Variants in MIER3 observed in about 807,000 individuals in gnomAD.
MIER3 encodes MIER family member 3.
MIER3 carries 9 observed loss-of-function variants against 63.2 expected under a neutral mutation model. The ratio of observed to expected loss-of-function variants is 0.14; its 90% CI spans 0.09 to 0.25. MIER3 has a LOEUF of 0.25. MIER3 is among the 10% of genes least tolerant of loss of function. The pLI is 1.00. For missense variants in MIER3, 512 were observed against 666.2 expected, an observed-to-expected ratio of 0.77 and a Z score of 2.55; for synonymous variants, 205 against 224.9, an observed-to-expected ratio of 0.91 and a Z score of 0.79.
At chr5:56,941,969 G>GT (rs1466094406) in intron 3 of MIER3, among the ~76,000 whole-genome samples, 1 of 152,098 alleles carries the variant, frequency 6.6e-6, no homozygotes, top group Non-Finnish European at 1.5e-5. Context: ...CTAGATGGTG[G>GT]TAACTTCTGC....
chr5:56,927,104 AG>A (rs1750025082), intron 10 of MIER3, among the ~76,000 whole-genome samples: 1 of 149,946 alleles, frequency 6.7e-6, no homozygotes, highest in Non-Finnish European at 1.5e-5. Context: ...GAAGGGACAG[AG>A]GGAAGAATAA....
Position 56,947,019 on chromosome 5 carries a change from C to G in MIER3, c.87G>C (p.Leu29Phe). ...TTCTTTCATCATCATAGTCATGGAC[C>G]AACATCTCAGCAGTGGGGTCAAAAT... ...DHDFDPTAEMLVHDYDDERTL... is the reference protein window; with the variant it reads ...DHDFDPTAEMFVHDYDDERTL... Residue 29 changes from leucine (L) to phenylalanine (F), a missense_variant, in exon 3 of 13, where the codon TTG (leucine) becomes TTC (phenylalanine). By Grantham distance (22) the Leu-to-Phe change is conservative. This residue lies in a region of MIER3 where 98 missense variants were observed against 107.4 expected (regional missense o/e 0.91). Transcript: ENST00000381199. The G allele has an allele frequency of 6.2e-7, 1 of 1,610,356 alleles. No individual in the cohort carries two copies. Among genetic ancestry groups the G allele is most frequent in the South Asian group, 1.1e-5 (1 of 90,200 alleles).
intron 3 of MIER3, among the ~76,000 whole-genome samples, chr5:56,942,906 G>A (rs1750696837): frequency 6.6e-6 from 1 of 152,184 alleles, no homozygotes; most frequent in Non-Finnish European, 1.5e-5. Flanking sequence ...AGCACTTTGG[G>A]ACGCCAAGGT....
Position 56,920,015 on chromosome 5 carries a change from T to C in MIER3, c.*3113A>G, listed in dbSNP as rs1749594068. 1 of 152,644 alleles carries C rather than the reference T, an allele frequency of 6.6e-6. No homozygotes were observed. The highest frequency in any genetic ancestry group is 6.5e-5 in the Admixed American group (1 of 15,278). The allele number at this position is 152,644 out of a possible 1,614,324, so 9.5% of individuals were successfully genotyped here. A position where few individuals can be genotyped will look rare whatever the true frequency, so the allele number is the denominator to read the frequency against. ...ACAATCTCCTTGGTGGTCAGGTTTATTTGTTAGTTTACATTCAAAGTTGAA... is the reference window on the plus strand; with the variant it reads ...ACAATCTCCTTGGTGGTCAGGTTTACTTGTTAGTTTACATTCAAAGTTGAA... On this transcript the variant is annotated 3_prime_UTR_variant, in exon 13 of 13. Coordinates refer to ENST00000381199, the MANE Select transcript of MIER3 (RefSeq NM_001297599.2).
At chr5:56,947,950 G>A (rs1267445462) in intron 2 of MIER3, among the ~76,000 whole-genome samples, 2 of 152,078 alleles carry the variant, frequency 1.3e-5, no homozygotes, top group Non-Finnish European at 2.9e-5. Context: ...AAAAAAACAG[G>A]ATTTTCTCCA....
intron 3 of MIER3, among the ~76,000 whole-genome samples, chr5:56,939,913 T>A (rs566269422): frequency 6.6e-6 from 1 of 152,392 alleles, no homozygotes; most frequent in East Asian, 1.9e-4. Flanking sequence ...TAACTACTTT[T>A]GTCTAAGCAT....
At chr5:56,944,538 G>GA (rs996375321) in intron 3 of MIER3, among the ~76,000 whole-genome samples, 17 of 152,020 alleles carry the variant, frequency 1.1e-4, no homozygotes, top group African/African-American at 4.1e-4. Context: ...TCTGAGCCTA[G>GA]AAAAATAATG....
At chr5:56,941,100 C>T in intron 3 of MIER3, 2 of 985,414 alleles carry the variant, frequency 2.0e-6, no homozygotes, top group Non-Finnish European at 2.4e-6. Context: ...ATGAAATTTA[C>T]TGAAGAATCC....
rs528490385 is a variant in MIER3, at chr5:56,935,072, A to G, written c.595+356T>C. Among the ~76,000 whole-genome samples the G allele has an allele frequency of 3.9e-5, 6 of 152,246 alleles. No individual in the cohort carries two copies. The East Asian group carries it at 9.6e-4, about 24-fold the overall frequency. On this transcript the variant is annotated intron_variant, in intron 7 of 12. Coordinates refer to ENST00000381199, the MANE Select transcript of MIER3 (RefSeq NM_001297599.2). ...TCAAGAGTTTTCTTTCCAGAAGATT[A>G]TATCTTAACATTCTCATTATCTCAG...
chr5:56,938,791 CA>C lies in MIER3; in HGVS notation c.315+91del. On this transcript the variant is annotated intron_variant, in intron 4 of 12. Coordinates refer to ENST00000381199, the MANE Select transcript of MIER3 (RefSeq NM_001297599.2). ...GCACAATGGGTCAACAAGAAGTTTA[CA>C]TTTAAGAATTATTAAATAATACTTT... The C allele has an allele frequency of 2.0e-6, 3 of 1,476,954 alleles. No individual in the cohort carries two copies. In the South Asian group the frequency reaches 4.1e-5, roughly 20 times the overall value. The allele number at this position is 1,476,954 out of a possible 1,614,324, so 91.5% of individuals were successfully genotyped here.
intron 8 of MIER3, among the ~76,000 whole-genome samples, chr5:56,933,024 T>C (rs1436040132): frequency 1.3e-5 from 2 of 152,152 alleles, no homozygotes; most frequent in African/African-American, 2.4e-5. Context: ...AAGGAAGACA[T>C]ATGTAAAGGT....
intron 3 of MIER3, chr5:56,941,227 A>C (rs1750634328): frequency 1.2e-6 from 1 of 807,238 alleles, no homozygotes. Flanking sequence ...TTCAATATTC[A>C]ATTGTGACTA....
intron 8 of MIER3, among the ~76,000 whole-genome samples, chr5:56,931,526 A>G (rs1750266958): frequency 6.6e-6 from 1 of 152,052 alleles, no homozygotes; most frequent in African/African-American, 2.4e-5. Context: ...AAAAAAATCA[A>G]ATCAACAGCT....
intron 3 of MIER3, chr5:56,941,605 G>A (rs530037233): frequency 6.6e-6 from 1 of 152,384 alleles, no homozygotes; most frequent in South Asian, 2.1e-4. Flanking sequence ...AATGGCTCAA[G>A]AGAATGGAAA....
At chr5:56,951,842 C>T (rs1007318510) in intron 1 of MIER3, among the ~76,000 whole-genome samples, 2 of 151,270 alleles carry the variant, frequency 1.3e-5, no homozygotes, top group African/African-American at 4.8e-5. Context: ...CTCCGTCCGG[C>T]TCGGTCGCCC....
rs901719989 is a variant in MIER3, at chr5:56,920,417, T to C, written c.*2711A>G. ...ACTGCAACTGCTCACCATGAATTTT[T>C]GGTTTGTTCATAAGAAAATAATGGG... is the stretch of plus-strand genomic sequence containing the variant. On this transcript the variant is annotated 3_prime_UTR_variant, in exon 13 of 13. Coordinates refer to ENST00000381199, the MANE Select transcript of MIER3 (RefSeq NM_001297599.2). 6.6e-6 allele frequency: 1 copy of C among 152,542 alleles called. No homozygotes were observed. Among genetic ancestry groups the C allele is most frequent in the African/African-American group, 2.4e-5 (1 of 41,442 alleles). 9.4% of individuals were successfully genotyped at this position (152,542 alleles called of 1,614,324 possible).
chr5:56,950,568 G>C (rs1319953620), intron 2 of MIER3, 60 bp downstream of exon 2: 1 of 1,559,634 alleles, frequency 6.4e-7, no homozygotes, highest in South Asian at 1.1e-5. Context: ...TTTAGCAACA[G>C]ACCTTTGAGC....
At position 56,928,875 on chromosome 5, in the gene MIER3, T is replaced by A. The variant is rs747978329; in HGVS notation, c.830-14A>T. ...CAGTCATTCCTTCTAAGAAAAATTTTAAAATAAAATTTATGGGCCCCCAAA... is the reference window on the plus strand; with the variant it reads ...CAGTCATTCCTTCTAAGAAAAATTTAAAAATAAAATTTATGGGCCCCCAAA... On this transcript the variant is annotated splice_polypyrimidine_tract_variant and intron_variant, in intron 9 of 12. Transcript: ENST00000381199. 2 of 1,604,564 alleles carry A rather than the reference T, an allele frequency of 1.2e-6. No individual in the cohort carries two copies. Among genetic ancestry groups the A allele is most frequent in the Non-Finnish European group, 1.7e-6 (2 of 1,174,428 alleles).
chr5:56,936,720 A>G (rs1231708685), intron 5 of MIER3, among the ~76,000 whole-genome samples: 1 of 151,968 alleles, frequency 6.6e-6, no homozygotes, highest in African/African-American at 2.4e-5. Flanking sequence ...GGGTCTTGCT[A>G]TGTTACCCAG....
Sources: allele counts gnomAD v4.1 joint callset (sites outside exome capture counted in the v4.1 genomes callset), GRCh38; gene constraint gnomAD v4.1.1; regional missense constraint gnomAD v4.1.1; transcripts MANE v1.5; gene names NCBI Gene and HGNC (gene_info 2026-07-23, HGNC 2026-07-21).